RBFOX1: variants seen among roughly 807,000 people sequenced by gnomAD.
RBFOX1 encodes the protein RNA binding protein fox-1 homolog 1.
In RBFOX1, 8 loss-of-function variants were observed where a neutral mutation model predicts 57.7. The observed-to-expected ratio is 0.14, with a 90% CI of 0.08 to 0.25. The LOEUF (loss-of-function observed/expected upper bound fraction) is 0.25, where lower values mean the gene tolerates loss of function less well. RBFOX1 is among the 10% of genes least tolerant of loss of function. The probability of loss-of-function intolerance (pLI) is 1.00; values close to 1 mark genes in which losing one functional copy is unlikely to be tolerated. For synonymous variants in RBFOX1, 326 were observed against 222.4 expected, an observed-to-expected ratio of 1.47 and a Z score of -4.15; for missense variants, 611 against 548.5, an observed-to-expected ratio of 1.11 and a Z score of -1.14.
chr16:6,155,681 C>G (rs1268560413), intron 1 of RBFOX1, among the ~76,000 whole-genome samples: 1 of 152,188 alleles, frequency 6.6e-6, no homozygotes, highest in African/African-American at 2.4e-5. Flanking sequence ...ACTCCGAGTA[C>G]AATGACCCAG....
rs562196790 is a variant in RBFOX1, at chr16:5,715,274, C to G, written c.318+116313C>G. 5.4e-4 allele frequency among the ~76,000 whole-genome samples: 82 copies of G among 152,254 alleles called. 1 individual carries two copies. The South Asian group carries it at 0.016, about 29-fold the overall frequency. On this transcript the variant is annotated intron_variant, in intron 3 of 19. Coordinates refer to the RBFOX1 transcript ENST00000641259. The stretch of plus-strand genomic sequence containing the variant: ...CTAATTCAATTACAGAGAAGCTCTA[C>G]CTTGTGGATGATTAAACTGTAAATT...
At chr16:6,137,448 G>A (rs2096674637) in intron 1 of RBFOX1, among the ~76,000 whole-genome samples, 1 of 151,920 alleles carries the variant, frequency 6.6e-6, no homozygotes, top group Non-Finnish European at 1.5e-5. Flanking sequence ...GGGATTACAG[G>A]CACTGGCCAC....
intron 1 of RBFOX1, among the ~76,000 whole-genome samples, chr16:6,290,566 T>C (rs1413270322): frequency 7.5e-6 from 1 of 132,484 alleles, no homozygotes; most frequent in African/African-American, 2.6e-5. Context: ...GGTTAGATAA[T>C]TGTATGTGGA....
chr16:6,000,198 AC>A (rs1427851282), intron 4 of RBFOX1, among the ~76,000 whole-genome samples: 1 of 152,168 alleles, frequency 6.6e-6, no homozygotes, highest in Non-Finnish European at 1.5e-5. Flanking sequence ...TTAGGGCAGT[AC>A]CTGGACAAGA....
chr16:7,450,706 G>T (rs1247497540), intron 4 of RBFOX1, among the ~76,000 whole-genome samples: 1 of 152,134 alleles, frequency 6.6e-6, no homozygotes, highest in African/African-American at 2.4e-5. Context: ...CACCTACTGG[G>T]CGCCAGGCAT....
At chr16:6,093,704 C>T (rs373959865) in intron 1 of RBFOX1, among the ~76,000 whole-genome samples, 5 of 152,172 alleles carry the variant, frequency 3.3e-5, no homozygotes, top group Admixed American at 2.6e-4. Context: ...TCCCTGCAGC[C>T]TTAACCTCCT....
chr16:6,454,766 C>T (rs903612404), intron 2 of RBFOX1, among the ~76,000 whole-genome samples: 6 of 151,614 alleles, frequency 4.0e-5, no homozygotes, highest in Non-Finnish European at 7.4e-5. Flanking sequence ...AGAAGAGGCA[C>T]ACATCTTCTC....
chr16:5,995,156 A>T (rs9925994), intron 4 of RBFOX1, among the ~76,000 whole-genome samples: 114,285 of 152,258 alleles, frequency 0.75, 43,343 homozygotes, highest in East Asian at 0.86. Flanking sequence ...TTTAAAAACA[A>T]CTTTCCACAT....
At chr16:7,506,040 C>T (rs767113714) in intron 4 of RBFOX1, among the ~76,000 whole-genome samples, 2 of 151,674 alleles carry the variant, frequency 1.3e-5, no homozygotes, top group African/African-American at 4.8e-5. Context: ...AAAAAGATAG[C>T]CGGGCATGGT....
intron 4 of RBFOX1, among the ~76,000 whole-genome samples, chr16:7,148,884 G>A (rs1601033077): frequency 6.6e-6 from 1 of 152,096 alleles, no homozygotes; most frequent in Non-Finnish European, 1.5e-5. Context: ...TCTTCCTTAT[G>A]CTCGGAGATA....
intron 1 of RBFOX1, among the ~76,000 whole-genome samples, chr16:6,173,193 G>C (rs2096974824): frequency 6.6e-6 from 1 of 152,148 alleles, no homozygotes; most frequent in South Asian, 2.1e-4. Context: ...CAGGTTCCCA[G>C]GATTACAGCG....
intron 4 of RBFOX1, among the ~76,000 whole-genome samples, chr16:7,068,268 T>C (rs12051062): frequency 0.052 from 7,891 of 152,270 alleles, 330 homozygotes; most frequent in East Asian, 0.2. Context: ...ACACTAGTTA[T>C]GTAGTATCCC....
intron 3 of RBFOX1, among the ~76,000 whole-genome samples, chr16:6,773,046 T>C (rs1009893520): frequency 8.8e-6 from 1 of 113,712 alleles, no homozygotes; most frequent in African/African-American, 3.6e-5. Flanking sequence ...GGGGTGCATT[T>C]GTATTGGGCT....
At chr16:6,226,644 C>A (rs898509492) in intron 1 of RBFOX1, among the ~76,000 whole-genome samples, 3 of 152,076 alleles carry the variant, frequency 2.0e-5, no homozygotes, top group Admixed American at 6.6e-5. Context: ...GCATTGGCCT[C>A]CAAGAGCATT....
At chr16:7,219,302 C>T (rs1236567625) in intron 4 of RBFOX1, among the ~76,000 whole-genome samples, 1 of 152,182 alleles carries the variant, frequency 6.6e-6, no homozygotes, top group Non-Finnish European at 1.5e-5. Context: ...CTGTAAGACA[C>T]AGCAAATAAA....
chr16:7,425,216 G>C (rs2098598811), intron 4 of RBFOX1, among the ~76,000 whole-genome samples: 1 of 152,134 alleles, frequency 6.6e-6, no homozygotes. Context: ...GTCCATTGTT[G>C]TTTAATGCTT....
intron 2 of RBFOX1, among the ~76,000 whole-genome samples, chr16:6,526,774 G>C (rs112265843): frequency 3.8e-5 from 5 of 131,860 alleles, no homozygotes; most frequent in East Asian, 2.6e-4. Context: ...AGCTTGCAGC[G>C]AGCCGAGATT....
At chr16:6,766,135 C>CA (rs1167897060) in intron 3 of RBFOX1, among the ~76,000 whole-genome samples, 2 of 149,734 alleles carry the variant, frequency 1.3e-5, no homozygotes, top group African/African-American at 2.5e-5. Context: ...TGAAATTTTT[C>CA]AAAAAATATT....
chr16:7,561,623 C>G (rs1170840091), intron 5 of RBFOX1, among the ~76,000 whole-genome samples: 3 of 152,144 alleles, frequency 2.0e-5, no homozygotes, highest in Admixed American at 6.5e-5. Context: ...CTCAGCATAT[C>G]CTGGAAAAAC....
Sources: gnomAD v4.1 joint callset for allele counts (sites outside exome capture counted in the v4.1 genomes callset) on GRCh38, gnomAD v4.1.1 for gene constraint, MANE v1.5 for transcripts, NCBI Gene and HGNC (gene_info 2026-07-23, HGNC 2026-07-21) for gene names.